SPEF2: variants seen among roughly 807,000 people sequenced by gnomAD.
SPEF2 encodes sperm flagellar and cilia associated 2, also known as sperm flagella and cilia-associated protein 2.
A neutral mutation model predicts 224.6 loss-of-function variants in SPEF2; 187 were observed. The ratio of observed to expected loss-of-function variants is 0.83; its 90% CI spans 0.74 to 0.94. The LOEUF is 0.94. Among genes scored for constraint, SPEF2 ranks in the 40% least tolerant of loss-of-function variants. The pLI is 0.00. For synonymous variants in SPEF2, 715 were observed against 707.3 expected (o/e 1.01, Z -0.17); for missense variants, 2,170 against 2,135.6 (o/e 1.02, Z -0.32).
rs1302459341 is a variant in SPEF2 at position 35,793,274 on chromosome 5, C to A, written c.4670C>A (p.Thr1557Asn). 1 of 1,614,182 alleles carries A rather than the reference C, an allele frequency of 6.2e-7. No homozygotes were observed. The highest frequency in any genetic ancestry group is 8.5e-7 in the Non-Finnish European group (1 of 1,180,020). Residue 1557 changes from threonine to asparagine, a missense_variant, in exon 32 of 37, where the codon ACC becomes AAC. Thr to Asn is a moderately conservative substitution (Grantham distance 65). Coordinates refer to ENST00000356031, the MANE Select transcript of SPEF2 (RefSeq NM_024867.4). ...PIPLEEELLETLQKFKAVDKE... is the reference protein window; with the variant it reads ...PIPLEEELLENLQKFKAVDKE... ...CCCTTGGAGGAGGAGCTCCTTGAGA[C>A]CCTTCAGAAGTTCAAGGCTGTGGAT...
At chr5:35,737,754 G>C (rs552031964) in intron 21 of SPEF2, among the ~76,000 whole-genome samples, 16 of 152,234 alleles carry the variant, frequency 1.1e-4, no homozygotes, top group African/African-American at 3.9e-4. Context: ...GGGTCAAATG[G>C]TATTTCCAGA....
intron 2 of SPEF2, among the ~76,000 whole-genome samples, chr5:35,633,877 T>G (rs961775774): frequency 6.6e-5 from 10 of 152,072 alleles, no homozygotes; most frequent in African/African-American, 2.4e-4. Flanking sequence ...AGATTAATAC[T>G]ACTTTAATTT....
intron 2 of SPEF2, among the ~76,000 whole-genome samples, chr5:35,636,874 G>A (rs1028572611): frequency 6.6e-6 from 1 of 151,662 alleles, no homozygotes; most frequent in Non-Finnish European, 1.5e-5. Flanking sequence ...TACTCAGGAG[G>A]CTGAGGCAGG....
Position 35,759,685 on chromosome 5 carries a change from C to T in SPEF2, c.3586C>T (p.Leu1196=), listed in dbSNP as rs373150903. 2.9e-4 allele frequency: 464 copies of T among 1,604,878 alleles called. 1 individual carries two copies. Among genetic ancestry groups the T allele is most frequent in the Non-Finnish European group, 3.2e-4 (371 of 1,173,768 alleles). ...KRFTRIPLVQ[L]DSKDNSESQL... The stretch of plus-strand genomic sequence containing the variant: ...ATTTACTCGAATCCCTTTGGTCCAA[C>T]TGGATAGTAAAGACAATTCTGAAAG... Residue 1196 remains leucine, a synonymous_variant, in exon 25 of 37, where the codon CTG becomes TTG. Coordinates refer to ENST00000356031, the MANE Select transcript of SPEF2 (RefSeq NM_024867.4).
chr5:35,618,210 G>A (rs556143631), intron 1 of SPEF2, among the ~76,000 whole-genome samples, 155 bp downstream of exon 1: 2 of 152,170 alleles, frequency 1.3e-5, no homozygotes, highest in Non-Finnish European at 2.9e-5. Context: ...TGAGCAACTC[G>A]GCTCGGCGGT....
At chr5:35,811,619 G>A (rs11952663) in intron 36 of SPEF2, among the ~76,000 whole-genome samples, 1 of 151,200 alleles carries the variant, frequency 6.6e-6, no homozygotes, top group African/African-American at 2.4e-5. Flanking sequence ...CTCATGGTGG[G>A]GGGGGTGGGG....
intron 11 of SPEF2, 141 bp from the exon 12 acceptor site, chr5:35,692,429 A>C (rs2149535777): frequency 6.0e-6 from 4 of 670,062 alleles, no homozygotes; most frequent in Non-Finnish European, 7.5e-6. Flanking sequence ...CAAACCAAAC[A>C]AAACAAAAAA....
chr5:35,711,800 A>C (rs937000682), intron 19 of SPEF2, among the ~76,000 whole-genome samples: 3 of 152,120 alleles, frequency 2.0e-5, no homozygotes, highest in Non-Finnish European at 4.4e-5. Context: ...ATACATTCTT[A>C]TAACTATCAC....
At chr5:35,674,280 CCTG>C (rs1299488622) in intron 10 of SPEF2, among the ~76,000 whole-genome samples, 4 of 150,788 alleles carry the variant, frequency 2.7e-5, no homozygotes, top group Non-Finnish European at 2.9e-5. Context: ...AGACTGCCTT[CCTG>C]CTGTGTTCTC....
intron 30 of SPEF2, chr5:35,789,036 G>A: frequency 4.4e-6 from 3 of 685,950 alleles, no homozygotes; most frequent in Non-Finnish European, 8.0e-6. Context: ...CACTCAGTAA[G>A]TAATTTTGAA....
chr5:35,628,507 G>A lies in SPEF2; in HGVS notation c.106G>A (p.Glu36Lys), dbSNP rs765778146. The A allele has an allele frequency of 6.2e-7, 1 of 1,614,122 alleles. No homozygotes were observed. Among genetic ancestry groups the A allele is most frequent in the Non-Finnish European group, 8.5e-7 (1 of 1,180,008 alleles). Residue 36 changes from glutamate to lysine, a missense_variant, in exon 2 of 37, where the codon GAA (glutamate) becomes AAA (lysine). Physicochemically the swap from Glu to Lys is moderately conservative, Grantham distance 56. Transcript: ENST00000356031. ...ATTTTCCAGTGGCTATCTACTTGGA[G>A]AAGTTCTACACAAGTTTGAACTTCA... ...KAFSSGYLLG[E>K]VLHKFELQDD...
At chr5:35,654,050 C>G (rs1748602352) in intron 6 of SPEF2, among the ~76,000 whole-genome samples, 1 of 150,916 alleles carries the variant, frequency 6.6e-6, no homozygotes, top group African/African-American at 2.4e-5. Flanking sequence ...CACCTGAGGT[C>G]AGGAGTTCGA....
chr5:35,785,993 C>G (rs967032081), intron 30 of SPEF2, among the ~76,000 whole-genome samples: 1 of 152,172 alleles, frequency 6.6e-6, no homozygotes, highest in African/African-American at 2.4e-5. Context: ...CTCACATAGG[C>G]AACAGTAGCT....
chr5:35,732,549 A>C (rs189181886), intron 21 of SPEF2, among the ~76,000 whole-genome samples: 103 of 152,332 alleles, frequency 6.8e-4, no homozygotes, highest in Non-Finnish European at 4.1e-4. Flanking sequence ...ACGGTTAGAC[A>C]TACGATCTTA....
Position 35,674,375 on chromosome 5 carries a change from T to TTTA in SPEF2, c.1524+4165_1524+4167dup, listed in dbSNP as rs745892368. Among the ~76,000 whole-genome samples, 10 of 148,904 alleles carry TTTA rather than the reference T, an allele frequency of 6.7e-5. No individual in the cohort carries two copies. The South Asian group carries it at 1.5e-3, about 22-fold the overall frequency. ...TTTTTTTTGGTGTTTCCAAATTCTTTTTATTATTATTATTATTATATTTTA... is the reference window on the plus strand; with the variant it reads ...TTTTTTTTGGTGTTTCCAAATTCTTTTTATTATTATTATTATTATTATATTTTA... On this transcript the variant is annotated intron_variant, in intron 10 of 36. Transcript: ENST00000356031.
intron 10 of SPEF2, among the ~76,000 whole-genome samples, chr5:35,674,746 C>T (rs77095600): frequency 0.11 from 16,427 of 152,010 alleles, 1,325 homozygotes; most frequent in East Asian, 0.37. Context: ...AAAGGCCTAG[C>T]CTCCAAGTAC....
chr5:35,766,825 A>G (rs1752153532), intron 26 of SPEF2, among the ~76,000 whole-genome samples: 2 of 151,762 alleles, frequency 1.3e-5, no homozygotes, highest in Non-Finnish European at 2.9e-5. Flanking sequence ...AGTTTCTAAT[A>G]TGTTACTTTT....
chr5:35,788,576 C>T (rs1169176965), intron 30 of SPEF2: 1 of 702,826 alleles, frequency 1.4e-6, no homozygotes, highest in Non-Finnish European at 2.6e-6. Flanking sequence ...AAGAAATGAT[C>T]CTCTGGCAAT....
intron 10 of SPEF2, among the ~76,000 whole-genome samples, chr5:35,678,094 A>T (rs1752274812): frequency 6.6e-6 from 1 of 152,232 alleles, no homozygotes; most frequent in Non-Finnish European, 1.5e-5. Flanking sequence ...AAAAACAAGC[A>T]TAAGGTAGAT....
Sources: gnomAD v4.1 joint callset for allele counts (sites outside exome capture counted in the v4.1 genomes callset) on GRCh38, gnomAD v4.1.1 for gene constraint, MANE v1.5 for transcripts, NCBI Gene and HGNC (gene_info 2026-07-23, HGNC 2026-07-21) for gene names.